Variants in NPY2R observed in about 807,000 individuals in gnomAD.
The protein encoded by NPY2R is neuropeptide Y receptor Y2.
NPY2R carries 17 observed loss-of-function variants against 22.3 expected under a neutral mutation model. The observed-to-expected ratio is 0.76, with a 90% CI of 0.52 to 1.14. The LOEUF (loss-of-function observed/expected upper bound fraction) is 1.14, where lower values mean the gene tolerates loss of function less well. NPY2R is among the 50% of genes most tolerant of loss of function. The pLI, the probability that NPY2R is intolerant of heterozygous loss-of-function variation, is 0.00. For synonymous variants in NPY2R, 209 were observed against 183.4 expected (o/e 1.14, Z -1.13); for missense variants, 424 against 467.9 (o/e 0.91, Z 0.87).
chr4:155,191,543 A>G, the NPY2R span, among the ~76,000 whole-genome samples: 18 of 152,060 alleles, frequency 1.2e-4, no homozygotes, highest in African/African-American at 4.1e-4. Context: ...TCTAGATGCC[A>G]AAACACGTTT....
the NPY2R span, among the ~76,000 whole-genome samples, chr4:155,195,661 G>A: frequency 3.3e-5 from 5 of 151,696 alleles, no homozygotes; most frequent in Non-Finnish European, 5.9e-5. Context: ...CTTAACAGAA[G>A]GCTATATTTA....
chr4:155,184,226 A>AC, the NPY2R span, among the ~76,000 whole-genome samples: 6,980 of 30,988 alleles, frequency 0.23, 512 homozygotes, highest in African/African-American at 0.49. Flanking sequence ...CTAGCCTCAA[A>AC]CAATTTCTCC....
Position 155,215,784 on chromosome 4 carries a change from C to T in NPY2R, c.*699C>T, listed in dbSNP as rs1729503477. On this transcript the variant is annotated 3_prime_UTR_variant, in exon 2 of 2. Coordinates refer to ENST00000329476, the MANE Select transcript of NPY2R (RefSeq NM_000910.4). ...CAACTCTGAATCAAAAGCTGAAATT[C>T]TCAGAATTACAGGAAATGCAAACCA... 6.0e-6 allele frequency: 1 copy of T among 167,160 alleles called. No homozygotes were observed. Among genetic ancestry groups the T allele is most frequent in the Non-Finnish European group, 1.5e-5 (1 of 68,244 alleles). The allele number at this position is 167,160 out of a possible 1,614,324, so 10.4% of individuals were successfully genotyped here.
the NPY2R span, among the ~76,000 whole-genome samples, chr4:155,177,066 A>G: frequency 1.3e-5 from 2 of 152,180 alleles, no homozygotes; most frequent in Non-Finnish European, 2.9e-5. Context: ...TCAAACCATA[A>G]GATTCTGACA....
the NPY2R span, among the ~76,000 whole-genome samples, chr4:155,199,438 G>A: frequency 2.0e-5 from 3 of 151,976 alleles, no homozygotes; most frequent in African/African-American, 7.3e-5. Flanking sequence ...TGGCCATACT[G>A]CCCAAAGTAA....
chr4:155,208,877 C>G lies in NPY2R; in HGVS notation c.-241C>G, dbSNP rs1419195970. ...CGGCAGCAGACCCGGCAGCGCCAAC[C>G]GCCCAGCCGCTCTGACTGCTCCGGC... On this transcript the variant is annotated 5_prime_UTR_variant, in exon 1 of 2. Transcript: ENST00000329476. The surrounding 1 kb of genome is among the most constrained non-coding windows in gnomAD (Gnocchi z 5.6). The G allele has an allele frequency of 6.6e-6, 1 of 152,172 alleles. No individual in the cohort carries two copies. Among genetic ancestry groups the G allele is most frequent in the Non-Finnish European group, 1.5e-5 (1 of 68,070 alleles). 9.4% of individuals were successfully genotyped at this position (152,172 alleles called of 1,614,324 possible).
the NPY2R span, among the ~76,000 whole-genome samples, chr4:155,181,023 A>T: frequency 6.6e-6 from 1 of 152,168 alleles, no homozygotes; most frequent in African/African-American, 2.4e-5. Context: ...AACAAATTAT[A>T]TTTTTCCTTT....
the NPY2R span, among the ~76,000 whole-genome samples, chr4:155,197,239 A>G: frequency 6.6e-6 from 1 of 151,882 alleles, no homozygotes; most frequent in Non-Finnish European, 1.5e-5. Context: ...AACATGTTTC[A>G]TTTTATATAG....
At chr4:155,212,016 A>C (rs765524779) in intron 1 of NPY2R, among the ~76,000 whole-genome samples, 14 of 152,192 alleles carry the variant, frequency 9.2e-5, no homozygotes, top group Non-Finnish European at 1.9e-4. Context: ...TTGAAAATGT[A>C]TTCTGTGAGA....
chr4:155,208,330 G>C (rs1345117142), upstream of NPY2R: 1 of 152,296 alleles, frequency 6.6e-6, no homozygotes. This position sits in a 1 kb window ranked among gnomAD's most constrained non-coding sequence, Gnocchi z 5.6. Flanking sequence ...TCCCTCAGCC[G>C]CAGCTGGGTC....
At chr4:155,187,985 C>A in the NPY2R span, among the ~76,000 whole-genome samples, 1 of 152,096 alleles carries the variant, frequency 6.6e-6, no homozygotes, top group Non-Finnish European at 1.5e-5. Context: ...GAATGAAGAA[C>A]ATTCTCCTAG....
chr4:155,205,288 C>T (rs139261727), upstream of NPY2R, among the ~76,000 whole-genome samples: 1 of 152,166 alleles, frequency 6.6e-6, no homozygotes, highest in Non-Finnish European at 1.5e-5. Flanking sequence ...TAGATAATGC[C>T]TATTTCTTCT....
chr4:155,213,965 A>G lies in NPY2R; in HGVS notation c.26A>G (p.Asp9Gly), dbSNP rs774787097. 1 of 1,613,956 alleles carries G rather than the reference A, an allele frequency of 6.2e-7. No homozygotes were observed. Among genetic ancestry groups the G allele is most frequent in the African/African-American group, 1.3e-5 (1 of 74,884 alleles). The change falls in exon 2 of 2, where the codon GAT becomes GGT. Residue 9 changes from aspartate (D) to glycine (G), a missense_variant. Transcript: ENST00000329476. Reference protein sequence around the residue: MGPIGAEADENQTVEEMKV... With the variant: MGPIGAEAGENQTVEEMKV... ...ATGGGTCCAATAGGTGCAGAGGCTG[A>G]TGAGAACCAGACAGTGGAAGAAATG...
chr4:155,187,178 C>T, the NPY2R span, among the ~76,000 whole-genome samples: 1 of 152,152 alleles, frequency 6.6e-6, no homozygotes, highest in Non-Finnish European at 1.5e-5. Flanking sequence ...CACTCTCAGC[C>T]GTGGGTAAAT....
rs538641320 is a variant in NPY2R at position 155,216,944 on chromosome 4, G to A, written c.*1859G>A. 51 of 166,962 alleles carry A rather than the reference G, an allele frequency of 3.1e-4. No homozygotes were observed. Among genetic ancestry groups the A allele is most frequent in the Non-Finnish European group, 6.6e-4 (45 of 68,088 alleles). 10.3% of individuals were successfully genotyped at this position (166,962 alleles called of 1,614,324 possible). On this transcript the variant is annotated 3_prime_UTR_variant, in exon 2 of 2. Transcript: ENST00000329476. ...TGTATATGCTACTGTGTTACATGTT[G>A]TATTAGTAAATTATTAGAATCCAAT... is the stretch of plus-strand genomic sequence containing the variant.
chr4:155,199,980 G>T, the NPY2R span, among the ~76,000 whole-genome samples: 1 of 152,048 alleles, frequency 6.6e-6, no homozygotes, highest in Non-Finnish European at 1.5e-5. Context: ...AACAACAAAA[G>T]CAACTGCAAC....
Position 155,214,779 on chromosome 4 carries a change from C to T in NPY2R, c.840C>T (p.Ser280=). Residue 280 remains serine (S), a synonymous_variant, in exon 2 of 2, where the codon AGC becomes AGT. Coordinates refer to ENST00000329476, the MANE Select transcript of NPY2R (RefSeq NM_000910.4). ...LVCVVVVFAV[S]WLPLHAFQLA... ...GTGTGGTGGTGGTGTTTGCGGTCAG[C>T]TGGCTGCCTCTCCATGCCTTCCAGC... 1 of 1,613,860 alleles carries T rather than the reference C, an allele frequency of 6.2e-7. No individual in the cohort carries two copies. Among genetic ancestry groups the T allele is most frequent in the African/African-American group, 1.3e-5 (1 of 75,046 alleles).
the NPY2R span, among the ~76,000 whole-genome samples, chr4:155,184,969 A>G: frequency 6.7e-6 from 1 of 148,262 alleles, no homozygotes; most frequent in Non-Finnish European, 1.5e-5. Flanking sequence ...ATATATATTT[A>G]TAAAAAATAT....
At position 155,214,125 on chromosome 4, in the gene NPY2R, G is replaced by T; in HGVS notation, c.186G>T (p.Leu62Phe). 1 of 1,613,936 alleles carries T rather than the reference G, an allele frequency of 6.2e-7. No homozygotes were observed. Among genetic ancestry groups the T allele is most frequent in the South Asian group, 1.1e-5 (1 of 91,072 alleles). The stretch of plus-strand genomic sequence containing the variant: ...TATTGGCCTACTGCTCCATCATCTT[G>T]CTTGGGGTAATTGGCAACTCCTTGG... ...VLILAYCSII[L>F]LGVIGNSLVI... Residue 62 changes from leucine (L) to phenylalanine (F), a missense_variant, in exon 2 of 2, where the codon TTG becomes TTT. Transcript: ENST00000329476.
Sources: allele counts gnomAD v4.1 joint callset (sites outside exome capture counted in the v4.1 genomes callset), GRCh38; gene constraint gnomAD v4.1.1; non-coding constraint Gnocchi (gnomAD v3.1); transcripts MANE v1.5; gene names NCBI Gene and HGNC (gene_info 2026-07-23, HGNC 2026-07-21).